Variants in RBFA observed in about 807,000 individuals in gnomAD.
The protein encoded by RBFA is ribosome binding factor A, also known as putative ribosome-binding factor A, mitochondrial.
Under a neutral mutation model 27.9 loss-of-function variants are expected in RBFA, and 16 were observed. The ratio of observed to expected loss-of-function variants is 0.57; its 90% CI spans 0.39 to 0.87. RBFA has a LOEUF of 0.87. Ranked by LOEUF, RBFA falls within the 40% of genes least tolerant of loss-of-function variation. The probability of loss-of-function intolerance (pLI) is 0.00; values close to 1 mark genes in which losing one functional copy is unlikely to be tolerated. For synonymous variants in RBFA, 181 were observed against 181.0 expected (o/e 1.00, Z 0.00); for missense variants, 456 against 432.1 (o/e 1.06, Z -0.49).
intron 1 of RBFA, chr18:80,035,767 A>C (rs530919970): frequency 5.3e-5 from 8 of 152,296 alleles, no homozygotes; most frequent in African/African-American, 1.4e-4. Flanking sequence ...CCCATGTATT[A>C]ATTCATTCAT....
chr18:80,038,611 A>G lies in RBFA; in HGVS notation c.485A>G (p.His162Arg). The G allele has an allele frequency of 6.2e-7, 1 of 1,610,530 alleles. No homozygotes were observed. The highest frequency in any genetic ancestry group is 8.5e-7 in the Non-Finnish European group (1 of 1,177,416). The change falls in exon 4 of 7, where the codon CAC becomes CGC. Residue 162 changes from histidine to arginine, a missense_variant. By Grantham distance (29) the His-to-Arg change is conservative. Coordinates refer to ENST00000306735, the MANE Select transcript of RBFA (RefSeq NM_024805.3). ...MEAVLQRSAA[H>R]MRHLLMSQQT... ...GCTGTCCTGCAGAGAAGTGCCGCGC[A>G]CATGAGGTGATGACCTTTGCTTTCT...
chr18:80,037,106 G>T (rs761863444), intron 2 of RBFA: 51 of 487,648 alleles, frequency 1.0e-4, no homozygotes, highest in African/African-American at 7.1e-4. Flanking sequence ...CTTTTTTTGA[G>T]AAAATATTTA....
intron 6 of RBFA, among the ~76,000 whole-genome samples, chr18:80,045,228 CTTT>C (rs35063027): frequency 5.0e-5 from 7 of 138,698 alleles, no homozygotes; most frequent in Non-Finnish European, 7.7e-5. Context: ...GTTGCAAACG[CTTT>C]TTTTTTTTTT....
intron 6 of RBFA, 132 bp from the exon 7 acceptor site, chr18:80,045,642 T>G: frequency 9.3e-7 from 1 of 1,080,146 alleles, no homozygotes; most frequent in Non-Finnish European, 1.2e-6. Flanking sequence ...CCAGTTACCC[T>G]CAGATAGACG....
rs2099153057 is a variant in RBFA, at chr18:80,050,538, T to G, written c.*4383T>G. On this transcript the variant is annotated 3_prime_UTR_variant, in exon 7 of 7. Coordinates refer to ENST00000306735, the MANE Select transcript of RBFA (RefSeq NM_024805.3). ...GTTATTTTTAAATATGCAATTAAAT[T>G]GTTATTGACTATAGTCACCCTTCTG... 6.6e-6 allele frequency among the ~76,000 whole-genome samples: 1 copy of G among 152,190 alleles called. No individual in the cohort carries two copies. Among genetic ancestry groups the G allele is most frequent in the African/African-American group, 2.4e-5 (1 of 41,418 alleles).
At chr18:80,042,974 T>C (rs1445588687) in intron 5 of RBFA, among the ~76,000 whole-genome samples, 1 of 152,164 alleles carries the variant, frequency 6.6e-6, no homozygotes, top group Non-Finnish European at 1.5e-5. Context: ...AGAGTTGCCC[T>C]CCCACGCCTG....
In RBFA at chr18:80,036,718, T is replaced by A. The variant is rs1292165639; in HGVS notation, c.201+8T>A. On this transcript the variant is annotated splice_region_variant and intron_variant, in intron 2 of 6. Coordinates refer to ENST00000306735, the MANE Select transcript of RBFA (RefSeq NM_024805.3). ...TCCTTGGGTTCTCACTCGGTGAGTA[T>A]AAGCCATGAGCCACTTTATAATCTT... The A allele has an allele frequency of 6.2e-7, 1 of 1,607,000 alleles. No homozygotes were observed. Among genetic ancestry groups the A allele is most frequent in the African/African-American group, 1.3e-5 (1 of 74,798 alleles).
At chr18:80,037,056 C>T (rs77368301) in intron 2 of RBFA, among the ~76,000 whole-genome samples, 1,814 of 152,246 alleles carry the variant, frequency 0.012, 98 homozygotes, top group Admixed American at 0.087. Flanking sequence ...CCCTTTAGCA[C>T]GGTGAACTTT....
At chr18:80,044,139 T>G in intron 5 of RBFA, 73 bp from the exon 6 acceptor site, 1 of 1,247,020 alleles carries the variant, frequency 8.0e-7, no homozygotes, top group South Asian at 1.2e-5. Flanking sequence ...AATGCTGGTG[T>G]TACGTGGAGC....
At chr18:80,045,603 C>T (rs1302485547) in intron 6 of RBFA, among the ~76,000 whole-genome samples, 171 bp from the exon 7 acceptor site, 1 of 152,060 alleles carries the variant, frequency 6.6e-6, no homozygotes, top group Non-Finnish European at 1.5e-5. Context: ...AAGGCGGAAA[C>T]CAAAGCCCAC....
chr18:80,045,797 G>A lies in RBFA; in HGVS notation c.674G>A (p.Cys225Tyr). ...AGGGACCCTGATGCCCCACAACCCTGCGGCACCACAGAGCCGACCACAAGC... is the reference window on the plus strand; with the variant it reads ...AGGGACCCTGATGCCCCACAACCCTACGGCACCACAGAGCCGACCACAAGC... ...DFRDPDAPQPCGTTEPTTSSS... is the reference protein window; with the variant it reads ...DFRDPDAPQPYGTTEPTTSSS... The change falls in exon 7 of 7, where the codon TGC (cysteine) becomes TAC (tyrosine). Residue 225 changes from cysteine to tyrosine, a missense_variant. Coordinates refer to ENST00000306735, the MANE Select transcript of RBFA (RefSeq NM_024805.3). 6.6e-7 allele frequency: 1 copy of A among 1,519,396 alleles called. No homozygotes were observed. The highest frequency in any genetic ancestry group is 8.8e-7 in the Non-Finnish European group (1 of 1,134,704). 94.1% of individuals were successfully genotyped at this position (1,519,396 alleles called of 1,614,324 possible).
In RBFA at chr18:80,048,964, A is replaced by G. The variant is rs2052076946; in HGVS notation, c.*2809A>G. On this transcript the variant is annotated 3_prime_UTR_variant, in exon 7 of 7. Coordinates refer to ENST00000306735, the MANE Select transcript of RBFA (RefSeq NM_024805.3). ...GGCGTCTGCTCAGTGCCTCCTAGAA[A>G]GTGGAGTGTGGGCACGTTTGTAGGG... 6.7e-6 allele frequency among the ~76,000 whole-genome samples: 1 copy of G among 148,244 alleles called. No individual in the cohort carries two copies. The highest frequency in any genetic ancestry group is 1.5e-5 in the Non-Finnish European group (1 of 66,258).
rs373493545 is a variant in RBFA, at chr18:80,042,178, A to G, written c.535A>G (p.Ile179Val). The change falls in exon 5 of 7, where the codon ATA becomes GTA. Residue 179 changes from isoleucine (I) to valine (V), a missense_variant. Coordinates refer to ENST00000306735, the MANE Select transcript of RBFA (RefSeq NM_024805.3). ...SQQTLRNVPPIVFVQDKGNAA... is the reference protein window; with the variant it reads ...SQQTLRNVPPVVFVQDKGNAA... ...GCAGACCCTGAGGAATGTGCCACCG[A>G]TAGTGTTTGTTCAAGACAAGGGAAA... is the stretch of plus-strand genomic sequence containing the variant. 5.6e-6 allele frequency: 9 copies of G among 1,611,306 alleles called. No homozygotes were observed. The highest frequency in any genetic ancestry group is 6.8e-6 in the Non-Finnish European group (8 of 1,178,264).
rs1013073927 is a variant in RBFA, at chr18:80,034,474, C to T, written c.-22C>T. ...CCTGCGCCCGTTGTCTCCCTGCTCG[C>T]TCCGGGTCCCGGCGCCGCGCCATGT... On this transcript the variant is annotated 5_prime_UTR_variant, in exon 1 of 7. Coordinates refer to ENST00000306735, the MANE Select transcript of RBFA (RefSeq NM_024805.3). 13 of 1,505,974 alleles carry T rather than the reference C, an allele frequency of 8.6e-6. No individual in the cohort carries two copies. The highest frequency in any genetic ancestry group is 1.1e-5 in the Non-Finnish European group (13 of 1,137,750). 93.3% of individuals were successfully genotyped at this position (1,505,974 alleles called of 1,614,324 possible). A position where few individuals can be genotyped will look rare whatever the true frequency, so the allele number is the denominator to read the frequency against.
chr18:80,044,066 A>T, intron 5 of RBFA, 146 bp from the exon 6 acceptor site: 1 of 730,810 alleles, frequency 1.4e-6, no homozygotes, highest in Admixed American at 1.9e-5. Flanking sequence ...AACAGGTCCT[A>T]GTATTTGGGA....
rs1203893875 is a variant in RBFA, at chr18:80,036,785, G to C, written c.201+75G>C. On this transcript the variant is annotated intron_variant, in intron 2 of 6. Transcript: ENST00000306735. Reference sequence around the variant, plus strand: ...TAAAAGTTGGCAAAACTCTTACCTGGAGGTCTTTCCATTTCTGTATTGGAG... The same window carrying C: ...TAAAAGTTGGCAAAACTCTTACCTGCAGGTCTTTCCATTTCTGTATTGGAG... 1.0e-4 allele frequency: 112 copies of C among 1,094,838 alleles called. 2 individuals carry two copies. The highest frequency in any genetic ancestry group is 1.3e-4 in the Non-Finnish European group (97 of 734,958). 67.8% of individuals were successfully genotyped at this position (1,094,838 alleles called of 1,614,324 possible). A position where few individuals can be genotyped will look rare whatever the true frequency, so the allele number is the denominator to read the frequency against.
At position 80,048,511 on chromosome 18, in the gene RBFA, T is replaced by C. The variant is rs151227389; in HGVS notation, c.*2356T>C. 6.6e-6 allele frequency among the ~76,000 whole-genome samples: 1 copy of C among 152,314 alleles called. No individual in the cohort carries two copies. Among genetic ancestry groups the C allele is most frequent in the Non-Finnish European group, 1.5e-5 (1 of 68,022 alleles). ...GCCATCAATTTGTCTCAGGTCCTTC[T>C]AGCACATCTGACAGGGACTAGTGTC... On this transcript the variant is annotated 3_prime_UTR_variant, in exon 7 of 7. Coordinates refer to ENST00000306735, the MANE Select transcript of RBFA (RefSeq NM_024805.3).
chr18:80,034,781 G>C, intron 1 of RBFA, 128 bp downstream of exon 1: 2 of 1,145,270 alleles, frequency 1.7e-6, no homozygotes, highest in South Asian at 2.9e-5. Flanking sequence ...GCCTCCTGGG[G>C]TCTGCAGCAG....
rs2052082152 is a variant in RBFA, at chr18:80,049,508, T to C, written c.*3353T>C. Among the ~76,000 whole-genome samples, 1 of 152,246 alleles carries C rather than the reference T, an allele frequency of 6.6e-6. No homozygotes were observed. Among genetic ancestry groups the C allele is most frequent in the African/African-American group, 2.4e-5 (1 of 41,474 alleles). Reference sequence around the variant, plus strand: ...AAGTCCTCAGATCAACCTTGTGAGCTTTTTACAAGTACCTGTCACTGTTAA... The same window carrying C: ...AAGTCCTCAGATCAACCTTGTGAGCCTTTTACAAGTACCTGTCACTGTTAA... On this transcript the variant is annotated 3_prime_UTR_variant, in exon 7 of 7. Transcript: ENST00000306735.
Sources: allele counts gnomAD v4.1 joint callset (sites outside exome capture counted in the v4.1 genomes callset), GRCh38; gene constraint gnomAD v4.1.1; transcripts MANE v1.5; gene names NCBI Gene and HGNC (gene_info 2026-07-23, HGNC 2026-07-21).